Variants in ADGRB3 observed in about 807,000 individuals in gnomAD.
ADGRB3 encodes the protein adhesion G protein-coupled receptor B3, also known as brain-specific angiogenesis inhibitor 3.
A neutral mutation model predicts 193.4 loss-of-function variants in ADGRB3; 37 were observed. The ratio of observed to expected loss-of-function variants is 0.19; its 90% CI spans 0.15 to 0.25. ADGRB3 has a LOEUF of 0.25. Among genes scored for constraint, ADGRB3 ranks in the 10% least tolerant of loss-of-function variants. ADGRB3 has a pLI of 1.00. For missense variants in ADGRB3, 1,637 were observed against 1,852.9 expected, an observed-to-expected ratio of 0.88 and a Z score of 2.14; for synonymous variants, 690 against 644.2, an observed-to-expected ratio of 1.07 and a Z score of -1.08.
chr6:69,126,272 T>TACAC (rs1412550506), intron 17 of ADGRB3, among the ~76,000 whole-genome samples: 12 of 151,572 alleles, frequency 7.9e-5, no homozygotes, highest in South Asian at 2.1e-4. Context: ...CATACATACA[T>TACAC]ACACACATAG....
In ADGRB3 at chr6:68,661,325, GTATA is replaced by G. The variant is rs1285732546; in HGVS notation, c.757+21907_757+21910del. ...TATATATGTGTGTGTGTGTGTGTGT[GTATA>G]TATATATATATATGTGTGTGTGTGT... On this transcript the variant is annotated intron_variant, in intron 3 of 31. Coordinates refer to ENST00000370598, the MANE Select transcript of ADGRB3 (RefSeq NM_001704.3). Among the ~76,000 whole-genome samples the G allele has an allele frequency of 2.1e-4, 19 of 89,582 alleles. 1 individual carries two copies. Among genetic ancestry groups the G allele is most frequent in the African/African-American group, 2.9e-4 (7 of 23,898 alleles). 58.8% of individuals were successfully genotyped at this position (89,582 alleles called of 152,430 possible).
At chr6:69,141,072 TGAAA>T (rs943300313) in intron 17 of ADGRB3, among the ~76,000 whole-genome samples, 61 of 147,278 alleles carry the variant, frequency 4.1e-4, no homozygotes, top group African/African-American at 1.4e-3. Context: ...AAAAATGAAG[TGAAA>T]GAAAGAAGAC....
At chr6:68,762,753 A>T (rs1766435462) in intron 3 of ADGRB3, among the ~76,000 whole-genome samples, 1 of 152,134 alleles carries the variant, frequency 6.6e-6, no homozygotes, top group Non-Finnish European at 1.5e-5. Context: ...AATCATAAAA[A>T]GTAAAATAAG....
chr6:69,213,004 A>G (rs1243966040), intron 17 of ADGRB3, among the ~76,000 whole-genome samples: 1 of 152,126 alleles, frequency 6.6e-6, no homozygotes, highest in African/African-American at 2.4e-5. Flanking sequence ...ATGATCCCAT[A>G]ATGTTTCAGT....
chr6:69,116,872 A>G (rs1773545876), intron 17 of ADGRB3, among the ~76,000 whole-genome samples: 1 of 152,204 alleles, frequency 6.6e-6, no homozygotes, highest in Admixed American at 6.5e-5. Context: ...TGCATGCTTC[A>G]TTAGTGCCTG....
At chr6:68,784,285 G>T (rs11965496) in intron 3 of ADGRB3, among the ~76,000 whole-genome samples, 119,800 of 151,946 alleles carry the variant, frequency 0.79, 47,440 homozygotes, top group Middle Eastern at 0.91. Context: ...GGCCTCTTGT[G>T]CAAACCACTG....
chr6:68,798,206 T>C (rs1044937954), intron 3 of ADGRB3, among the ~76,000 whole-genome samples: 1 of 152,232 alleles, frequency 6.6e-6, no homozygotes, highest in East Asian at 1.9e-4. Context: ...CTAGCCTATA[T>C]GTAACATAGT....
intron 11 of ADGRB3, among the ~76,000 whole-genome samples, chr6:68,995,728 A>T (rs1179001522): frequency 6.6e-6 from 1 of 152,068 alleles, no homozygotes; most frequent in African/African-American, 2.4e-5. Context: ...CATTAACTTT[A>T]CTGTTGTCTT....
At chr6:69,134,137 C>T (rs959205406) in intron 17 of ADGRB3, among the ~76,000 whole-genome samples, 3 of 152,008 alleles carry the variant, frequency 2.0e-5, no homozygotes, top group African/African-American at 7.2e-5. Flanking sequence ...AATTGCAGCA[C>T]AAGGATTTAA....
At chr6:69,161,217 T>A (rs1299480684) in intron 17 of ADGRB3, among the ~76,000 whole-genome samples, 4 of 151,974 alleles carry the variant, frequency 2.6e-5, no homozygotes, top group Non-Finnish European at 4.4e-5. Flanking sequence ...ATTACTAAAT[T>A]AAATAATAAT....
intron 17 of ADGRB3, among the ~76,000 whole-genome samples, chr6:69,198,956 C>T (rs1201962429): frequency 6.6e-6 from 1 of 152,086 alleles, no homozygotes; most frequent in Non-Finnish European, 1.5e-5. Context: ...GTGCCAGGCT[C>T]GTTGGAGCAA....
At chr6:69,355,939 CT>C in intron 28 of ADGRB3, 79 bp downstream of exon 28, 1 of 1,236,382 alleles carries the variant, frequency 8.1e-7, no homozygotes, top group Non-Finnish European at 1.2e-6. Flanking sequence ...AAAGAAAATG[CT>C]GTGGTTTACA....
chr6:68,867,942 G>T (rs1169525727), intron 3 of ADGRB3, among the ~76,000 whole-genome samples: 1 of 152,146 alleles, frequency 6.6e-6, no homozygotes, highest in African/African-American at 2.4e-5. Context: ...GATTTTACAG[G>T]CTCATAGGCC....
intron 3 of ADGRB3, among the ~76,000 whole-genome samples, chr6:68,783,181 TA>T (rs1766892153): frequency 6.6e-6 from 1 of 151,246 alleles, no homozygotes; most frequent in Non-Finnish European, 1.5e-5. Context: ...TTGAGACTTT[TA>T]AAACTTAAGT....
intron 3 of ADGRB3, among the ~76,000 whole-genome samples, chr6:68,842,690 C>G (rs982941273): frequency 2.0e-5 from 3 of 151,906 alleles, no homozygotes; most frequent in Non-Finnish European, 2.9e-5. Context: ...TACCCTGATA[C>G]CAAAGCCAGG....
At chr6:69,360,550 T>C (rs1436108817) in intron 28 of ADGRB3, among the ~76,000 whole-genome samples, 1 of 151,918 alleles carries the variant, frequency 6.6e-6, no homozygotes, top group African/African-American at 2.4e-5. Context: ...TCTCTGGTAA[T>C]CTCCTATTTC....
intron 30 of ADGRB3, among the ~76,000 whole-genome samples, chr6:69,378,009 G>A (rs542544954): frequency 2.0e-5 from 3 of 152,126 alleles, no homozygotes; most frequent in Admixed American, 6.6e-5. Context: ...TGTGGCAGTC[G>A]CCTTCCCTGG....
intron 17 of ADGRB3, among the ~76,000 whole-genome samples, chr6:69,191,370 T>G (rs572586538): frequency 1.8e-4 from 28 of 152,288 alleles, no homozygotes; most frequent in Non-Finnish European, 4.0e-4. Context: ...AGATAAAATA[T>G]TTATTTTGGC....
intron 3 of ADGRB3, among the ~76,000 whole-genome samples, chr6:68,804,451 G>A (rs1767366796): frequency 6.6e-6 from 1 of 152,044 alleles, no homozygotes; most frequent in South Asian, 2.1e-4. Flanking sequence ...TGCATTAGAA[G>A]TATTTTTTTT....
Sources: allele counts gnomAD v4.1 joint callset (sites outside exome capture counted in the v4.1 genomes callset), GRCh38; gene constraint gnomAD v4.1.1; transcripts MANE v1.5; gene names NCBI Gene and HGNC (gene_info 2026-07-23, HGNC 2026-07-21).